The following SPAG16 variants were observed in gnomAD, a reference collection of about 807,000 sequenced individuals.
SPAG16 encodes the protein sperm-associated antigen 16 protein.
A neutral mutation model predicts 80.4 loss-of-function variants in SPAG16; 86 were observed. That is an observed-to-expected ratio of 1.07 (90% CI 0.90 to 1.28). The LOEUF is 1.28. Ranked by LOEUF, SPAG16 falls within the 50% of genes most tolerant of loss-of-function variation. SPAG16 has a pLI of 0.00. For synonymous variants in SPAG16, 294 were observed against 265.9 expected, an observed-to-expected ratio of 1.11 and a Z score of -1.03; for missense variants, 870 against 765.3, an observed-to-expected ratio of 1.14 and a Z score of -1.61.
intron 10 of SPAG16, among the ~76,000 whole-genome samples, chr2:213,675,105 T>C (rs2063995288): frequency 2.6e-5 from 4 of 152,144 alleles, no homozygotes; most frequent in Admixed American, 2.6e-4. Context: ...TATCTCACTG[T>C]GGTTTTGATT....
At position 213,928,721 on chromosome 2, in the gene SPAG16, C is replaced by T. The variant is rs144420224; in HGVS notation, c.1215-1239C>T. ...ATTGGTCAGTCATGAGGCTTGGTGC[C>T]GTAGAAACAGAGATGAAATGCAATT... On this transcript the variant is annotated intron_variant, in intron 11 of 15. Transcript: ENST00000331683. Among the ~76,000 whole-genome samples, 13 of 152,116 alleles carry T rather than the reference C, an allele frequency of 8.5e-5. No individual in the cohort carries two copies. In the East Asian group the frequency reaches 2.5e-3, roughly 29 times the overall value.
intron 10 of SPAG16, among the ~76,000 whole-genome samples, chr2:213,639,075 G>C (rs1382331975): frequency 6.6e-6 from 1 of 151,828 alleles, no homozygotes; most frequent in Non-Finnish European, 1.5e-5. Flanking sequence ...CTTGCTTTTG[G>C]TGTCCATTGC....
intron 9 of SPAG16, among the ~76,000 whole-genome samples, chr2:213,462,760 G>A (rs973412825): frequency 1.7e-4 from 26 of 152,296 alleles, no homozygotes; most frequent in African/African-American, 5.8e-4. Context: ...GAAACTGTGA[G>A]TCAATTAAAC....
At chr2:213,840,128 T>TA (rs1160381314) in intron 10 of SPAG16, among the ~76,000 whole-genome samples, 1 of 152,162 alleles carries the variant, frequency 6.6e-6, no homozygotes, top group Non-Finnish European at 1.5e-5. Context: ...AATCTTTTCA[T>TA]ACTTGGAAAT....
intron 13 of SPAG16, among the ~76,000 whole-genome samples, chr2:214,030,154 C>G (rs1348485138): frequency 6.6e-6 from 1 of 152,126 alleles, no homozygotes; most frequent in Non-Finnish European, 1.5e-5. Flanking sequence ...CAGGTCCTAG[C>G]AACCACTATT....
intron 5 of SPAG16, among the ~76,000 whole-genome samples, chr2:213,325,032 G>A (rs2063784665): frequency 6.6e-6 from 1 of 151,976 alleles, no homozygotes; most frequent in South Asian, 2.1e-4. Flanking sequence ...ATTCTAAAAA[G>A]CATTCTACAA....
chr2:213,810,002 G>A (rs1421633988), intron 10 of SPAG16, among the ~76,000 whole-genome samples: 5 of 152,110 alleles, frequency 3.3e-5, no homozygotes, highest in African/African-American at 4.8e-5. Flanking sequence ...CGCATCGTAC[G>A]AAAAGGATAG....
chr2:214,277,181 C>T (rs1304185539), intron 15 of SPAG16, among the ~76,000 whole-genome samples: 1 of 151,920 alleles, frequency 6.6e-6, no homozygotes, highest in Non-Finnish European at 1.5e-5. Flanking sequence ...TCCAGTTAGC[C>T]GTTTGTCTGA....
At chr2:213,935,189 G>A (rs970422632) in intron 12 of SPAG16, among the ~76,000 whole-genome samples, 8 of 127,522 alleles carry the variant, frequency 6.3e-5, no homozygotes, top group Middle Eastern at 4.0e-3. Flanking sequence ...GCAACAGAGT[G>A]AGACTCCATC....
intron 5 of SPAG16, among the ~76,000 whole-genome samples, chr2:213,318,375 T>A (rs1003202649): frequency 6.6e-6 from 1 of 151,992 alleles, no homozygotes; most frequent in Non-Finnish European, 1.5e-5. Context: ...CTCGAGGCCC[T>A]CACCCTTAGT....
intron 10 of SPAG16, among the ~76,000 whole-genome samples, chr2:213,576,188 C>G (rs1232890446): frequency 6.6e-6 from 1 of 152,058 alleles, no homozygotes; most frequent in African/African-American, 2.4e-5. Flanking sequence ...GAGTCCATTC[C>G]CCATTGCTTG....
chr2:213,311,971 A>C (rs143682583), intron 4 of SPAG16, among the ~76,000 whole-genome samples: 2 of 151,558 alleles, frequency 1.3e-5, no homozygotes, highest in African/African-American at 4.8e-5. Flanking sequence ...CCTCAAGCAG[A>C]AAATGCAATA....
At chr2:213,896,319 G>A (rs897754914) in intron 11 of SPAG16, among the ~76,000 whole-genome samples, 3 of 151,948 alleles carry the variant, frequency 2.0e-5, no homozygotes, top group Non-Finnish European at 4.4e-5. Context: ...ATGATGCAGA[G>A]AAAAGGGAAC....
chr2:214,091,268 T>C (rs1173756440), intron 13 of SPAG16, among the ~76,000 whole-genome samples: 1 of 152,132 alleles, frequency 6.6e-6, no homozygotes, highest in Non-Finnish European at 1.5e-5. Context: ...TATTATTTCA[T>C]TTATTTCTCA....
chr2:214,118,813 A>T (rs1214176226), intron 14 of SPAG16, among the ~76,000 whole-genome samples: 2 of 149,424 alleles, frequency 1.3e-5, no homozygotes, highest in East Asian at 3.9e-4. Context: ...TGCAATCTCT[A>T]TCAAAATACT....
At chr2:214,291,529 T>C (rs908246022) in intron 15 of SPAG16, among the ~76,000 whole-genome samples, 1 of 151,636 alleles carries the variant, frequency 6.6e-6, no homozygotes, top group Non-Finnish European at 1.5e-5. Flanking sequence ...ATGGTCTCGA[T>C]CTCCTGACCT....
chr2:213,640,801 G>T (rs1192630827), intron 10 of SPAG16, among the ~76,000 whole-genome samples: 2 of 152,188 alleles, frequency 1.3e-5, no homozygotes, highest in Non-Finnish European at 1.5e-5. Flanking sequence ...AGTAGAATTA[G>T]CTGTTATTTT....
intron 10 of SPAG16, among the ~76,000 whole-genome samples, chr2:213,596,704 T>C (rs1048771444): frequency 1.4e-4 from 22 of 152,216 alleles, no homozygotes; most frequent in African/African-American, 4.8e-4. Context: ...AAGGAAAAGA[T>C]TGTTGAAAGT....
intron 15 of SPAG16, among the ~76,000 whole-genome samples, chr2:214,226,476 C>T (rs2058700142): frequency 6.6e-6 from 1 of 152,012 alleles, no homozygotes; most frequent in Admixed American, 6.6e-5. Flanking sequence ...AAACAAACAG[C>T]CTCAACCACA....
Sources: allele counts gnomAD v4.1 joint callset (sites outside exome capture counted in the v4.1 genomes callset), GRCh38; gene constraint gnomAD v4.1.1; transcripts MANE v1.5; gene names NCBI Gene and HGNC (gene_info 2026-07-23, HGNC 2026-07-21).